The following KIAA0825 variants were observed in gnomAD, a reference collection of about 807,000 sequenced individuals.
The protein encoded by KIAA0825 is KIAA0825.
In KIAA0825, 119 loss-of-function variants were observed where a neutral mutation model predicts 147.6. That is an observed-to-expected ratio of 0.81 (90% CI 0.69 to 0.94). The LOEUF is 0.94. Ranked by LOEUF, KIAA0825 falls within the 40% of genes least tolerant of loss-of-function variation. The pLI is 0.00. For missense variants in KIAA0825, 1,381 were observed against 1,472.7 expected (o/e 0.94, Z 1.02); for synonymous variants, 470 against 518.1 (o/e 0.91, Z 1.26).
chr5:94,587,849 T>C (rs1783604211), intron 1 of KIAA0825, among the ~76,000 whole-genome samples: 1 of 152,124 alleles, frequency 6.6e-6, no homozygotes, highest in Non-Finnish European at 1.5e-5. Flanking sequence ...AAAACAGATA[T>C]AGATCAATGG....
rs1554250221 is a variant in KIAA0825, at chr5:94,251,760, G to A, written c.3711-97636C>T. Among the ~76,000 whole-genome samples the A allele has an allele frequency of 2.6e-5, 4 of 151,792 alleles. No homozygotes were observed. The South Asian group carries it at 6.2e-4, about 24-fold the overall frequency. On this transcript the variant is annotated intron_variant, in intron 20 of 20. Transcript: ENST00000682413. Reference sequence around the variant, plus strand: ...AATAAAATGCATTTTTTTTGTATAGGTTGTTTGCAAAAAAGAAATAATGTA... The same window carrying A: ...AATAAAATGCATTTTTTTTGTATAGATTGTTTGCAAAAAAGAAATAATGTA...
chr5:94,200,965 ATATATATATATATATATATG>A (rs1342988123), intron 20 of KIAA0825, among the ~76,000 whole-genome samples: 1 of 143,544 alleles, frequency 7.0e-6, no homozygotes, highest in Non-Finnish European at 1.5e-5. Flanking sequence ...ATATATATAT[ATATATATATATATATATATG>A]TATATCAGGA....
At chr5:94,440,397 G>A (rs771709810) in intron 13 of KIAA0825, among the ~76,000 whole-genome samples, 3 of 152,096 alleles carry the variant, frequency 2.0e-5, no homozygotes, top group Non-Finnish European at 2.9e-5. Flanking sequence ...GTCTGTTTTT[G>A]TTTCACGGAG....
chr5:94,488,862 C>A (rs1763373721), intron 5 of KIAA0825, among the ~76,000 whole-genome samples: 1 of 152,156 alleles, frequency 6.6e-6, no homozygotes, highest in South Asian at 2.1e-4. Flanking sequence ...CTATTTCCTG[C>A]CATAATAAAG....
At chr5:94,502,875 A>C (rs1324983521) in intron 5 of KIAA0825, among the ~76,000 whole-genome samples, 1 of 151,854 alleles carries the variant, frequency 6.6e-6, no homozygotes, top group Admixed American at 6.6e-5. Context: ...TTGGGAGGCC[A>C]AGGTGGGTGG....
chr5:94,334,768 G>A (rs1353327438), intron 20 of KIAA0825, among the ~76,000 whole-genome samples: 7 of 152,154 alleles, frequency 4.6e-5, no homozygotes, highest in Non-Finnish European at 1.0e-4. Flanking sequence ...ACAGGTGTGA[G>A]TCACCACACC....
intron 14 of KIAA0825, among the ~76,000 whole-genome samples, chr5:94,426,717 T>C (rs1754933642): frequency 6.6e-6 from 1 of 152,128 alleles, no homozygotes; most frequent in Non-Finnish European, 1.5e-5. Context: ...TCCCAACACA[T>C]AGAAATGATA....
At chr5:94,198,128 A>G (rs1771313905) in intron 20 of KIAA0825, among the ~76,000 whole-genome samples, 1 of 152,002 alleles carries the variant, frequency 6.6e-6, no homozygotes. Flanking sequence ...GGTTTGTGTC[A>G]TCTCTAATTT....
chr5:94,523,641 T>C (rs1265292240), intron 4 of KIAA0825, among the ~76,000 whole-genome samples: 1 of 151,568 alleles, frequency 6.6e-6, no homozygotes, highest in Admixed American at 6.6e-5. Flanking sequence ...TACACATCAA[T>C]ACATTTTGTG....
At chr5:94,363,857 G>C (rs768698184) in intron 20 of KIAA0825, among the ~76,000 whole-genome samples, 28 of 151,692 alleles carry the variant, frequency 1.8e-4, no homozygotes, top group Non-Finnish European at 4.0e-4. Flanking sequence ...GACAGAGCAA[G>C]ATTTATCTCT....
chr5:94,265,866 G>A (rs1046054169), intron 20 of KIAA0825, among the ~76,000 whole-genome samples: 7 of 152,050 alleles, frequency 4.6e-5, no homozygotes, highest in African/African-American at 7.2e-5. Flanking sequence ...CCCTTATGAA[G>A]CAGCAAAAAC....
intron 5 of KIAA0825, among the ~76,000 whole-genome samples, chr5:94,504,254 G>A (rs1446476197): frequency 6.6e-6 from 1 of 152,134 alleles, no homozygotes; most frequent in Non-Finnish European, 1.5e-5. Flanking sequence ...ATTATCTCAA[G>A]TAGGTAGAGG....
At chr5:94,196,218 A>C (rs1341211349) in intron 20 of KIAA0825, among the ~76,000 whole-genome samples, 1 of 152,096 alleles carries the variant, frequency 6.6e-6, no homozygotes, top group Non-Finnish European at 1.5e-5. Flanking sequence ...AATTTTGCAC[A>C]CTACTGGCTA....
At chr5:94,578,539 AT>A (rs1018501266) in intron 2 of KIAA0825, among the ~76,000 whole-genome samples, 17 of 152,292 alleles carry the variant, frequency 1.1e-4, no homozygotes, top group Admixed American at 5.9e-4. Context: ...TCTTTATACA[AT>A]TGATTTTAAG....
chr5:94,467,363 A>G (rs1025618516), intron 10 of KIAA0825, among the ~76,000 whole-genome samples: 1 of 152,236 alleles, frequency 6.6e-6, no homozygotes, highest in Non-Finnish European at 1.5e-5. Flanking sequence ...TGATGTAAAC[A>G]GATGTGAGCT....
intron 20 of KIAA0825, among the ~76,000 whole-genome samples, chr5:94,198,571 G>C (rs758069819): frequency 8.6e-5 from 13 of 152,014 alleles, no homozygotes; most frequent in South Asian, 2.1e-4. Flanking sequence ...ACACAGGGAG[G>C]GGAACATCAC....
chr5:94,296,916 C>G (rs1778164150), intron 20 of KIAA0825, among the ~76,000 whole-genome samples: 1 of 152,078 alleles, frequency 6.6e-6, no homozygotes, highest in Admixed American at 6.6e-5. Flanking sequence ...TTTACTATCA[C>G]CATACACTGG....
chr5:94,210,982 G>C (rs1247986284), intron 20 of KIAA0825, among the ~76,000 whole-genome samples: 1 of 152,122 alleles, frequency 6.6e-6, no homozygotes, highest in Non-Finnish European at 1.5e-5. Context: ...CCAAAACTAA[G>C]CAATTTTTAT....
In KIAA0825 at chr5:94,206,437, G is replaced by A. The variant is rs141046523; in HGVS notation, c.3711-52313C>T. Among the ~76,000 whole-genome samples, 245 of 152,114 alleles carry A rather than the reference G, an allele frequency of 1.6e-3. 4 individuals are homozygous for A. The East Asian group carries it at 0.045, about 28-fold the overall frequency. On this transcript the variant is annotated intron_variant, in intron 20 of 20. Transcript: ENST00000682413. ...AGATTATGTTCTTCATTTGCCTTTT[G>A]TTTATAGTCCCTTTTTCCTTCAGGT...
Sources: allele counts gnomAD v4.1 joint callset (sites outside exome capture counted in the v4.1 genomes callset), GRCh38; gene constraint gnomAD v4.1.1; transcripts MANE v1.5; gene names NCBI Gene and HGNC (gene_info 2026-07-23, HGNC 2026-07-21).